Variants in HACD2 observed in about 807,000 individuals in gnomAD.
HACD2 encodes the protein very-long-chain (3R)-3-hydroxyacyl-CoA dehydratase 2.
Under a neutral mutation model 31.0 loss-of-function variants are expected in HACD2, and 15 were observed. That is an observed-to-expected ratio of 0.48 (90% CI 0.32 to 0.75). The LOEUF (loss-of-function observed/expected upper bound fraction) is 0.75, where lower values mean the gene tolerates loss of function less well. HACD2 is among the 30% of genes least tolerant of loss of function. The pLI, the probability that HACD2 is intolerant of heterozygous loss-of-function variation, is 0.03. For synonymous variants in HACD2, 115 were observed against 122.2 expected (o/e 0.94, Z 0.39); for missense variants, 283 against 313.0 (o/e 0.90, Z 0.72).
chr3:123,530,511 G>T (rs995765553), intron 3 of HACD2, among the ~76,000 whole-genome samples: 4 of 151,714 alleles, frequency 2.6e-5, no homozygotes, highest in Non-Finnish European at 4.4e-5. Flanking sequence ...CTGGTTCAAG[G>T]GGTTCTCCTG....
In HACD2 at chr3:123,579,772, G is replaced by A. The variant is rs139022437; in HGVS notation, c.273+2440C>T. 2.7e-3 allele frequency among the ~76,000 whole-genome samples: 412 copies of A among 152,262 alleles called. 4 individuals carry two copies. Among genetic ancestry groups the A allele is most frequent in the Non-Finnish European group, 2.4e-3 (166 of 68,016 alleles). ...TGGGAACTGTACTGGCCAAGGTTCT[G>A]AAAGAGAAAGTACTACTTATTTACT... is the stretch of plus-strand genomic sequence containing the variant. On this transcript the variant is annotated intron_variant, in intron 2 of 6. Coordinates refer to ENST00000383657, the MANE Select transcript of HACD2 (RefSeq NM_198402.5).
Position 123,576,051 on chromosome 3 carries a change from T to G in HACD2, c.273+6161A>C, listed in dbSNP as rs1252353091. On this transcript the variant is annotated intron_variant, in intron 2 of 6. Coordinates refer to ENST00000383657, the MANE Select transcript of HACD2 (RefSeq NM_198402.5). ...CTAGATACATTGGTTCTATATATATTGTTTTTCTGTTATAATGTTTTGTAA... is the reference window on the plus strand; with the variant it reads ...CTAGATACATTGGTTCTATATATATGGTTTTTCTGTTATAATGTTTTGTAA... Among the ~76,000 whole-genome samples the G allele has an allele frequency of 2.6e-5, 4 of 152,166 alleles. 1 individual carries two copies. The highest frequency in any genetic ancestry group is 2.6e-4 in the Admixed American group (4 of 15,286).
intron 4 of HACD2, among the ~76,000 whole-genome samples, chr3:123,510,634 C>T (rs2056047363): frequency 6.6e-6 from 1 of 152,176 alleles, no homozygotes; most frequent in Admixed American, 6.5e-5. Flanking sequence ...AAAAATATGT[C>T]ATTGTACGTA....
chr3:123,547,001 T>C (rs952268341), intron 3 of HACD2, among the ~76,000 whole-genome samples: 10 of 152,182 alleles, frequency 6.6e-5, no homozygotes, highest in Non-Finnish European at 1.2e-4. Flanking sequence ...GTCCAAAAAT[T>C]TTAAAAATCT....
intron 4 of HACD2, among the ~76,000 whole-genome samples, chr3:123,514,287 A>C (rs1278854630): frequency 2.0e-5 from 3 of 152,128 alleles, no homozygotes; most frequent in Non-Finnish European, 4.4e-5. Flanking sequence ...AAAAACAAAA[A>C]ACACAGAGAG....
intron 2 of HACD2, among the ~76,000 whole-genome samples, chr3:123,570,855 A>G (rs111614958): frequency 5.3e-5 from 8 of 152,176 alleles, no homozygotes; most frequent in South Asian, 2.1e-4. Context: ...CTTTTAGGAC[A>G]AAACAGAAGA....
At chr3:123,542,019 CG>C (rs1576764460) in intron 3 of HACD2, among the ~76,000 whole-genome samples, 2 of 149,450 alleles carry the variant, frequency 1.3e-5, no homozygotes, top group African/African-American at 4.9e-5. Context: ...TAGTGGCGGG[CG>C]CCTGTAGTCC....
At chr3:123,533,717 A>G (rs939744682) in intron 3 of HACD2, among the ~76,000 whole-genome samples, 2 of 152,184 alleles carry the variant, frequency 1.3e-5, no homozygotes, top group African/African-American at 4.8e-5. Context: ...TGTGCCAGAT[A>G]CCACTCTCCA....
At chr3:123,535,808 A>G (rs1331518337) in intron 3 of HACD2, among the ~76,000 whole-genome samples, 1 of 152,226 alleles carries the variant, frequency 6.6e-6, no homozygotes, top group Non-Finnish European at 1.5e-5. Context: ...ATCCTACAAC[A>G]GGGCAATTAA....
chr3:123,500,644 G>A lies in HACD2; in HGVS notation c.553C>T (p.Leu185Phe). ...LYPMGVSGEL[L>F]TIYAALPFVR... ...AAGGGCAGAGCTGCATATATTGTGA[G>A]CAGTTCTCCTGACACTCCCATTGGG... The change falls in exon 6 of 7, where the codon CTC becomes TTC. Residue 185 changes from leucine (L) to phenylalanine (F), a missense_variant. Leu to Phe is a conservative substitution (Grantham distance 22, BLOSUM62 0). This residue lies in a region of HACD2 where 85 missense variants were observed against 129.6 expected (regional missense o/e 0.66). Transcript: ENST00000383657. 6.2e-7 allele frequency: 1 copy of A among 1,613,512 alleles called. No homozygotes were observed.
intron 3 of HACD2, among the ~76,000 whole-genome samples, chr3:123,557,408 G>A (rs2056684216): frequency 6.6e-6 from 1 of 152,148 alleles, no homozygotes; most frequent in South Asian, 2.1e-4. Context: ...TACTTTACCA[G>A]GCTGAGGTGG....
intron 4 of HACD2, among the ~76,000 whole-genome samples, chr3:123,512,733 G>A (rs1315255992): frequency 6.6e-6 from 1 of 152,184 alleles, no homozygotes; most frequent in Admixed American, 6.6e-5. Context: ...AAAGAACACT[G>A]AGGTATTAGA....
chr3:123,498,505 T>G (rs62262455), intron 6 of HACD2, among the ~76,000 whole-genome samples: 79,496 of 151,714 alleles, frequency 0.52, 24,361 homozygotes, highest in Non-Finnish European at 0.69. Context: ...CTCTGCCTCC[T>G]GTCAGACCAG....
chr3:123,542,614 T>C (rs1171268307), intron 3 of HACD2, among the ~76,000 whole-genome samples: 1 of 152,048 alleles, frequency 6.6e-6, no homozygotes, highest in East Asian at 1.9e-4. Context: ...GACTAAAGAG[T>C]GTATATATCG....
intron 4 of HACD2, among the ~76,000 whole-genome samples, chr3:123,518,543 A>G (rs1382094136): frequency 6.6e-6 from 1 of 152,180 alleles, no homozygotes. Flanking sequence ...GTGTTATTTA[A>G]AAGTCTGATT....
chr3:123,547,220 C>CTGTTGGAA (rs2056570154), intron 3 of HACD2, among the ~76,000 whole-genome samples: 1 of 152,144 alleles, frequency 6.6e-6, no homozygotes, highest in Admixed American at 6.5e-5. Flanking sequence ...ATTACGCCTT[C>CTGTTGGAA]CTCCACACAG....
intron 3 of HACD2, among the ~76,000 whole-genome samples, chr3:123,529,019 T>A (rs1038298311): frequency 4.9e-5 from 7 of 142,456 alleles, no homozygotes; most frequent in Middle Eastern, 3.6e-3. Flanking sequence ...TTTTTTTTTT[T>A]ATCACCTTGT....
At chr3:123,516,392 G>A (rs1237549271) in intron 4 of HACD2, among the ~76,000 whole-genome samples, 6 of 151,844 alleles carry the variant, frequency 4.0e-5, no homozygotes, top group Non-Finnish European at 8.8e-5. Flanking sequence ...CCGCTGCGAC[G>A]CCCGGCTAAT....
chr3:123,511,576 A>G (rs1369096785), intron 4 of HACD2, among the ~76,000 whole-genome samples: 2 of 152,210 alleles, frequency 1.3e-5, no homozygotes, highest in Non-Finnish European at 2.9e-5. Context: ...TGAGTAGAAG[A>G]GGTTCACCAA....
Sources: gnomAD v4.1 joint callset for allele counts (sites outside exome capture counted in the v4.1 genomes callset) on GRCh38, gnomAD v4.1.1 for gene constraint, gnomAD v4.1.1 regional missense constraint, MANE v1.5 for transcripts, NCBI Gene and HGNC (gene_info 2026-07-23, HGNC 2026-07-21) for gene names.